ITGB3: variants seen among roughly 807,000 people sequenced by gnomAD.
ITGB3 encodes the protein integrin beta-3.
ITGB3 carries 48 observed loss-of-function variants against 85.8 expected under a neutral mutation model. The observed-to-expected ratio is 0.56, with a 90% CI of 0.44 to 0.71. ITGB3 has a LOEUF of 0.71. Ranked by LOEUF, ITGB3 falls within the 30% of genes least tolerant of loss-of-function variation. The pLI is 0.00. For missense variants in ITGB3, 861 were observed against 1,019.1 expected (o/e 0.84, Z 2.11); for synonymous variants, 363 against 395.6 (o/e 0.92, Z 0.98).
rs781502355 is a variant in ITGB3, at chr17:47,299,424, G to A, written c.1807G>A (p.Gly603Ser). The A allele has an allele frequency of 5.0e-6, 8 of 1,614,248 alleles. No homozygotes were observed. The highest frequency in any genetic ancestry group is 6.8e-6 in the Non-Finnish European group (8 of 1,180,038). The change falls in exon 11 of 15, where the codon GGC (glycine) becomes AGC (serine). Residue 603 changes from glycine to serine, a missense_variant. By Grantham distance (56) the Gly-to-Ser change is moderately conservative. Transcript: ENST00000559488. This position sits in a 1 kb window ranked among gnomAD's most constrained non-coding sequence, Gnocchi z 5.1. ...CMSSNGLLCS[G>S]RGKCECGSCV... ...GTCCAGCAATGGGCTGCTGTGCAGCGGCCGCGGCAAGTGTGAATGTGGCAG... is the reference window on the plus strand; with the variant it reads ...GTCCAGCAATGGGCTGCTGTGCAGCAGCCGCGGCAAGTGTGAATGTGGCAG...
chr17:47,299,407 A>G lies in ITGB3; in HGVS notation c.1790A>G (p.Asn597Ser), dbSNP rs758947563. The G allele has an allele frequency of 1.9e-6, 3 of 1,614,204 alleles. No homozygotes were observed. Among genetic ancestry groups the G allele is most frequent in the South Asian group, 1.1e-5 (1 of 91,086 alleles). ...CGTACTGACACCTGCATGTCCAGCAATGGGCTGCTGTGCAGCGGCCGCGGC... is the reference window on the plus strand; with the variant it reads ...CGTACTGACACCTGCATGTCCAGCAGTGGGCTGCTGTGCAGCGGCCGCGGC... The part of the protein sequence containing the change: ...TTRTDTCMSS[N>S]GLLCSGRGKC... Residue 597 changes from asparagine (N) to serine (S), a missense_variant, in exon 11 of 15, where the codon AAT becomes AGT. Transcript: ENST00000559488. This position sits in a 1 kb window ranked among gnomAD's most constrained non-coding sequence, Gnocchi z 5.1.
chr17:47,261,875 C>T (rs10468569), intron 1 of ITGB3, among the ~76,000 whole-genome samples: 2,703 of 152,294 alleles, frequency 0.018, 68 homozygotes, highest in African/African-American at 0.062. Flanking sequence ...TATGGCTTTC[C>T]ATTATTTATC....
intron 13 of ITGB3, chr17:47,305,553 G>A (rs1252091125): frequency 6.6e-6 from 1 of 152,226 alleles, no homozygotes; most frequent in Admixed American, 6.5e-5. Flanking sequence ...GCTCTGCAGA[G>A]TATACTCAGC....
At chr17:47,272,217 G>A (rs1245251686) in intron 1 of ITGB3, among the ~76,000 whole-genome samples, 4 of 151,408 alleles carry the variant, frequency 2.6e-5, no homozygotes, top group Non-Finnish European at 4.4e-5. Context: ...CACCACACCC[G>A]GCTAATTTTT....
At chr17:47,308,220 C>T (rs2065197533) in intron 14 of ITGB3, among the ~76,000 whole-genome samples, 1 of 135,854 alleles carries the variant, frequency 7.4e-6, no homozygotes, top group Non-Finnish European at 1.6e-5. Context: ...CCAAATCAGA[C>T]TCTACTCTTT....
intron 5 of ITGB3, 143 bp downstream of exon 5, chr17:47,286,565 C>G (rs2065103566): frequency 1.9e-6 from 2 of 1,026,350 alleles, no homozygotes; most frequent in East Asian, 4.8e-5. Flanking sequence ...GTAAGTTGCT[C>G]CTGATATTCA....
At chr17:47,285,335 G>A (rs1325565988) in intron 4 of ITGB3, among the ~76,000 whole-genome samples, 1 of 152,228 alleles carries the variant, frequency 6.6e-6, no homozygotes, top group African/African-American at 2.4e-5. Context: ...GTTACGGCCA[G>A]GTGGGGTGAC....
chr17:47,270,351 G>A (rs956932692), intron 1 of ITGB3, among the ~76,000 whole-genome samples: 7 of 152,164 alleles, frequency 4.6e-5, no homozygotes, highest in African/African-American at 1.7e-4. Context: ...CTCCAGAAAG[G>A]GAGGGAGATA....
chr17:47,262,794 G>A (rs1408095274), intron 1 of ITGB3, among the ~76,000 whole-genome samples: 2 of 152,158 alleles, frequency 1.3e-5, no homozygotes, highest in Admixed American at 1.3e-4. Context: ...CGAGGGGATG[G>A]GGATTCCTGG....
chr17:47,304,896 C>T (rs774831107), intron 13 of ITGB3, among the ~76,000 whole-genome samples: 2 of 152,216 alleles, frequency 1.3e-5, no homozygotes, highest in Non-Finnish European at 2.9e-5. Context: ...GTGTGAGCCA[C>T]TGCACCTGGC....
rs113911670 is a variant in ITGB3 at position 47,283,074 on chromosome 17, T to A, written c.166-280T>A. Among the ~76,000 whole-genome samples, 4 of 129,528 alleles carry A rather than the reference T, an allele frequency of 3.1e-5. No homozygotes were observed. The highest frequency in any genetic ancestry group is 6.7e-5 in the Non-Finnish European group (4 of 59,344). 85.0% of individuals were successfully genotyped at this position (129,528 alleles called of 152,430 possible). ...ATCTCAATTTCTCTTTTCTTTTTCC[T>A]TTTTTTTTTTTTGGTAGAGACGGGG... On this transcript the variant is annotated intron_variant, in intron 2 of 14. Coordinates refer to ENST00000559488, the MANE Select transcript of ITGB3 (RefSeq NM_000212.3).
intron 11 of ITGB3, among the ~76,000 whole-genome samples, chr17:47,300,038 G>T (rs2065160344): frequency 1.3e-5 from 2 of 152,214 alleles, no homozygotes; most frequent in Non-Finnish European, 2.9e-5. Flanking sequence ...GCCTACAAGG[G>T]CCTCATGCTT....
intron 1 of ITGB3, among the ~76,000 whole-genome samples, chr17:47,256,618 G>A (rs76766056): frequency 0.055 from 8,366 of 152,194 alleles, 453 homozygotes; most frequent in East Asian, 0.18. Context: ...TGTTGAAGGG[G>A]CACAGAAAGA....
intron 13 of ITGB3, 48 bp from the exon 14 acceptor site, chr17:47,307,423 A>T (rs1598702672): frequency 1.0e-5 from 16 of 1,606,480 alleles, no homozygotes; most frequent in Non-Finnish European, 1.4e-5. Flanking sequence ...AGTTCAAGTG[A>T]CTCCTGCTTC....
At chr17:47,296,358 G>C (rs553882067) in intron 10 of ITGB3, among the ~76,000 whole-genome samples, 5 of 151,888 alleles carry the variant, frequency 3.3e-5, no homozygotes, top group African/African-American at 1.2e-4. Context: ...CTTAGTCTCC[G>C]AAGTAGCTAG....
At chr17:47,272,532 G>A (rs1381463977) in intron 1 of ITGB3, among the ~76,000 whole-genome samples, 1 of 152,010 alleles carries the variant, frequency 6.6e-6, no homozygotes, top group Non-Finnish European at 1.5e-5. Flanking sequence ...CTGATTAATA[G>A]AAGCCAAATA....
intron 1 of ITGB3, among the ~76,000 whole-genome samples, chr17:47,254,791 T>A (rs1207802044): frequency 6.6e-6 from 1 of 152,152 alleles, no homozygotes; most frequent in Non-Finnish European, 1.5e-5. Flanking sequence ...CTGCCCGTGG[T>A]CCTCTCTGAG....
At chr17:47,278,448 C>T (rs950688030) in intron 2 of ITGB3, among the ~76,000 whole-genome samples, 3 of 151,992 alleles carry the variant, frequency 2.0e-5, no homozygotes, top group Admixed American at 6.6e-5. Flanking sequence ...GGCGTGGTGG[C>T]GCAGGCCTGT....
chr17:47,278,569 G>A (rs1483681014), intron 2 of ITGB3, among the ~76,000 whole-genome samples: 1 of 148,224 alleles, frequency 6.7e-6, no homozygotes, highest in South Asian at 2.2e-4. Flanking sequence ...GGCAACAAGA[G>A]CGAAACTCCA....
Sources: gnomAD v4.1 joint callset for allele counts (sites outside exome capture counted in the v4.1 genomes callset) on GRCh38, gnomAD v4.1.1 for gene constraint, Gnocchi (gnomAD v3.1) non-coding constraint, MANE v1.5 for transcripts, NCBI Gene and HGNC (gene_info 2026-07-23, HGNC 2026-07-21) for gene names.